Variants in OTOGL observed in about 807,000 individuals in gnomAD.
OTOGL encodes the protein otogelin like, also known as otogelin-like protein.
In OTOGL, 285 loss-of-function variants were observed where a neutral mutation model predicts 318.5. That is an observed-to-expected ratio of 0.89 (90% CI 0.81 to 0.99). OTOGL has a LOEUF of 0.99. OTOGL is among the 50% of genes least tolerant of loss of function. The pLI, the probability that OTOGL is intolerant of heterozygous loss-of-function variation, is 0.00. For synonymous variants in OTOGL, 987 were observed against 936.5 expected (o/e 1.05, Z -0.99); for missense variants, 2,899 against 2,845.6 (o/e 1.02, Z -0.43).
At chr12:80,132,825 G>C (rs1354991150) in intron 1 of OTOGL, 1 of 152,118 alleles carries the variant, frequency 6.6e-6, no homozygotes, top group African/African-American at 2.4e-5. Context: ...TCTCTGCCCT[G>C]TTCCTCTCAC....
At chr12:80,126,092 T>C (rs1486629404) in intron 1 of OTOGL, among the ~76,000 whole-genome samples, 3 of 152,216 alleles carry the variant, frequency 2.0e-5, no homozygotes, top group Non-Finnish European at 4.4e-5. Flanking sequence ...CTTTTGAGTG[T>C]GTTTGCTCTT....
chr12:80,133,992 A>AT (rs1393947619), intron 1 of OTOGL, among the ~76,000 whole-genome samples: 2 of 152,138 alleles, frequency 1.3e-5, no homozygotes, highest in African/African-American at 2.4e-5. Context: ...AAAAGCTAAA[A>AT]TAAAAAAAAA....
chr12:80,205,078 A>G (rs1876720696), intron 1 of OTOGL, among the ~76,000 whole-genome samples: 1 of 152,222 alleles, frequency 6.6e-6, no homozygotes, highest in African/African-American at 2.4e-5. Flanking sequence ...AAATTGAAAT[A>G]ACATTCTTTC....
intron 29 of OTOGL, among the ~76,000 whole-genome samples, chr12:80,306,167 T>A (rs182489775): frequency 6.6e-6 from 1 of 152,308 alleles, no homozygotes; most frequent in East Asian, 1.9e-4. Context: ...GGTGGGTGGA[T>A]TGTGGTCAAC....
At chr12:80,354,562 T>C (rs1262581060) in intron 46 of OTOGL, among the ~76,000 whole-genome samples, 1 of 152,124 alleles carries the variant, frequency 6.6e-6, no homozygotes, top group Non-Finnish European at 1.5e-5. Flanking sequence ...AACACAGGAA[T>C]TGTCAGTCAT....
In OTOGL at chr12:80,366,462, A is replaced by ATG. The variant is rs770491569; in HGVS notation, c.6268-98_6268-97dup. Reference sequence around the variant, plus strand: ...GACTTATTAGATGTTATCACTGAGTATGTGTGTGTGTGTGTATATATATAT... The same window carrying ATG: ...GACTTATTAGATGTTATCACTGAGTATGTGTGTGTGTGTGTGTATATATATAT... On this transcript the variant is annotated intron_variant, in intron 52 of 58. Transcript: ENST00000547103. 1.0e-3 allele frequency: 407 copies of ATG among 391,134 alleles called. 2 individuals are homozygous for ATG. The East Asian group carries it at 0.015, about 15-fold the overall frequency. The allele number at this position is 391,134 out of a possible 1,614,324, so 24.2% of individuals were successfully genotyped here.
chr12:80,302,934 C>T (rs1354411892), intron 28 of OTOGL, among the ~76,000 whole-genome samples, 151 bp downstream of exon 28: 1 of 152,180 alleles, frequency 6.6e-6, no homozygotes, highest in African/African-American at 2.4e-5. Flanking sequence ...AAAAGAACTT[C>T]ACCAACTAAG....
intron 1 of OTOGL, among the ~76,000 whole-genome samples, chr12:80,156,854 G>A (rs1873156614): frequency 6.6e-6 from 1 of 152,192 alleles, no homozygotes. Flanking sequence ...GAGACACTTA[G>A]ATTGCATCCA....
intron 1 of OTOGL, among the ~76,000 whole-genome samples, chr12:80,147,199 TA>T (rs541505429): frequency 0.034 from 5,202 of 151,858 alleles, 110 homozygotes; most frequent in South Asian, 0.086. Context: ...TTTAGTGCTA[TA>T]AATTTCCCTC....
intron 1 of OTOGL, among the ~76,000 whole-genome samples, chr12:80,160,003 A>G (rs991077872): frequency 2.6e-5 from 4 of 152,034 alleles, no homozygotes; most frequent in Non-Finnish European, 5.9e-5. Flanking sequence ...GGGAAAGGAC[A>G]CCCTATTCAA....
chr12:80,271,618 A>G, intron 23 of OTOGL, 30 bp from the exon 24 acceptor site: 1 of 1,598,668 alleles, frequency 6.3e-7, no homozygotes, highest in Non-Finnish European at 8.5e-7. Context: ...CAAAAAGTTA[A>G]GGACATTTTG....
intron 1 of OTOGL, chr12:80,132,412 C>T (rs1282268453): frequency 2.0e-5 from 3 of 151,992 alleles, no homozygotes; most frequent in African/African-American, 7.3e-5. Context: ...TATCTATTTG[C>T]CTAGTGTACT....
Position 80,336,154 on chromosome 12 carries a change from T to TCTTAATGCAA in OTOGL, c.4600+19_4600+20insTGCAACTTAA. The stretch of plus-strand genomic sequence containing the variant: ...GGGAATGTCCTTGTAAGTTTGCATT[T>TCTTAATGCAA]CTTAAGCGGTGATCTTTTTTTTTTT... On this transcript the variant is annotated intron_variant, in intron 39 of 58. Coordinates refer to ENST00000547103, the MANE Select transcript of OTOGL (RefSeq NM_001378609.3). 1.3e-6 allele frequency: 2 copies of TCTTAATGCAA among 1,557,844 alleles called. No individual in the cohort carries two copies. Among genetic ancestry groups the TCTTAATGCAA allele is most frequent in the South Asian group, 2.4e-5 (2 of 82,938 alleles).
intron 11 of OTOGL, among the ~76,000 whole-genome samples, chr12:80,241,358 G>A (rs1017611190): frequency 1.3e-5 from 2 of 152,016 alleles, no homozygotes; most frequent in African/African-American, 4.8e-5. Flanking sequence ...CCCCCACTCT[G>A]CCTAAAATAT....
chr12:80,345,228 T>TA (rs1566001382), intron 44 of OTOGL, among the ~76,000 whole-genome samples: 12 of 111,898 alleles, frequency 1.1e-4, no homozygotes, highest in Admixed American at 9.5e-5. Flanking sequence ...ATATATATAT[T>TA]ATATATATAT....
At chr12:80,354,162 A>C (rs536524299) in intron 46 of OTOGL, among the ~76,000 whole-genome samples, 1 of 152,140 alleles carries the variant, frequency 6.6e-6, no homozygotes, top group Non-Finnish European at 1.5e-5. Context: ...CTCTTGTGAG[A>C]CTAGATTAGT....
At chr12:80,180,019 CTA>C (rs1874808727) in intron 1 of OTOGL, among the ~76,000 whole-genome samples, 1 of 152,208 alleles carries the variant, frequency 6.6e-6, no homozygotes, top group East Asian at 1.9e-4. Context: ...AAGATGTAGT[CTA>C]AGCTGTATCA....
At chr12:80,301,365 C>T (rs559977699) in intron 27 of OTOGL, among the ~76,000 whole-genome samples, 9 of 152,266 alleles carry the variant, frequency 5.9e-5, no homozygotes, top group Admixed American at 2.6e-4. Flanking sequence ...TTTCTCCTGC[C>T]TAAATTATCT....
At position 80,305,585 on chromosome 12, in the gene OTOGL, TC is replaced by T; in HGVS notation, c.3224del (p.Ser1075Ter). The T allele has an allele frequency of 6.4e-7, 1 of 1,558,226 alleles. No homozygotes were observed. The highest frequency in any genetic ancestry group is 8.6e-7 in the Non-Finnish European group (1 of 1,164,430). On this transcript the variant is annotated frameshift_variant, in exon 29 of 59. Coordinates refer to ENST00000547103, the MANE Select transcript of OTOGL (RefSeq NM_001378609.3). LOFTEE classifies it high-confidence loss of function. ...TTTTCTCTTACTTTAGAACAAGCTA[TC>T]AGGATTGTGTGGAAACTTTGACAAA... ...KVGPQWKNKL[S>X]GLCGNFDKCT...
Sources: allele counts gnomAD v4.1 joint callset (sites outside exome capture counted in the v4.1 genomes callset), GRCh38; gene constraint gnomAD v4.1.1; transcripts MANE v1.5; gene names NCBI Gene and HGNC (gene_info 2026-07-23, HGNC 2026-07-21).